The following SUPT3H variants were observed in gnomAD, a reference collection of about 807,000 sequenced individuals.
SUPT3H encodes transcription initiation protein SPT3 homolog.
Under a neutral mutation model 44.3 loss-of-function variants are expected in SUPT3H, and 44 were observed. The observed-to-expected ratio is 0.99, with a 90% CI of 0.78 to 1.28. The LOEUF (loss-of-function observed/expected upper bound fraction) is 1.28. SUPT3H is among the 50% of genes most tolerant of loss of function. The pLI, the probability that SUPT3H is intolerant of heterozygous loss-of-function variation, is 0.00. For synonymous variants in SUPT3H, 124 were observed against 125.6 expected (o/e 0.99, Z 0.09); for missense variants, 380 against 387.1 (o/e 0.98, Z 0.15).
intron 5 of SUPT3H, among the ~76,000 whole-genome samples, chr6:45,010,670 C>G (rs955460198): frequency 2.0e-5 from 3 of 152,116 alleles, no homozygotes; most frequent in Non-Finnish European, 4.4e-5. Context: ...ATATGGTGGA[C>G]AGCAGAAACA....
intron 3 of SUPT3H, among the ~76,000 whole-genome samples, chr6:45,065,730 A>G (rs1258966168): frequency 5.3e-5 from 8 of 151,460 alleles, no homozygotes; most frequent in Admixed American, 1.3e-4. Flanking sequence ...TAAATTCCTC[A>G]ACACATACAC....
intron 2 of SUPT3H, among the ~76,000 whole-genome samples, chr6:45,207,201 G>T (rs1763340334): frequency 6.6e-6 from 1 of 152,168 alleles, no homozygotes; most frequent in Admixed American, 6.5e-5. Flanking sequence ...GAAGACTGAG[G>T]TGTTCTGGAA....
chr6:45,239,869 GA>G (rs1769958947), intron 2 of SUPT3H, among the ~76,000 whole-genome samples: 1 of 152,138 alleles, frequency 6.6e-6, no homozygotes, highest in Non-Finnish European at 1.5e-5. Flanking sequence ...CACAAAGGGG[GA>G]AACAGGGACT....
At chr6:45,006,703 C>T (rs1466118210) in intron 5 of SUPT3H, among the ~76,000 whole-genome samples, 1 of 152,060 alleles carries the variant, frequency 6.6e-6, no homozygotes, top group African/African-American at 2.4e-5. Context: ...TCTCAGCTTC[C>T]TATCAATAGA....
Position 44,829,098 on chromosome 6 carries a change from A to G in SUPT3H, c.*718T>C, listed in dbSNP as rs1332964402. On this transcript the variant is annotated 3_prime_UTR_variant, in exon 11 of 11. Transcript: ENST00000371459. ...CTGAATACTTGGCTTCTAAATGTGT[A>G]TGGCATGTGCAGGAGTGGTGGATCT... 6.6e-6 allele frequency: 1 copy of G among 152,468 alleles called. No individual in the cohort carries two copies. The highest frequency in any genetic ancestry group is 6.6e-5 in the Admixed American group (1 of 15,254). 9.4% of individuals were successfully genotyped at this position (152,468 alleles called of 1,614,324 possible). A position where few individuals can be genotyped will look rare whatever the true frequency, so the allele number is the denominator to read the frequency against.
rs578123513 is a variant in SUPT3H, at chr6:44,941,649, G to A, written c.802-8886C>T. ...TTATCTCTGGATGGGACATAAGAAT[G>A]GTCTATTCTAAATGTTTCCAACTCC... On this transcript the variant is annotated intron_variant, in intron 9 of 10. Coordinates refer to ENST00000371459, the MANE Select transcript of SUPT3H (RefSeq NM_003599.4). Among the ~76,000 whole-genome samples, 274 of 152,186 alleles carry A rather than the reference G, an allele frequency of 1.8e-3. 1 individual carries two copies. The highest frequency in any genetic ancestry group is 6.1e-3 in the African/African-American group (254 of 41,544).
At chr6:44,859,380 T>C (rs1774246081) in intron 10 of SUPT3H, among the ~76,000 whole-genome samples, 1 of 152,250 alleles carries the variant, frequency 6.6e-6, no homozygotes. Context: ...CTTCAGCCTC[T>C]GTAAACTTTC....
intron 3 of SUPT3H, among the ~76,000 whole-genome samples, chr6:45,090,363 T>A (rs1165915050): frequency 6.6e-6 from 1 of 152,096 alleles, no homozygotes; most frequent in Admixed American, 6.6e-5. Context: ...AATAACTTCA[T>A]TCTTGTCTTA....
At chr6:45,102,344 C>CA (rs1478348036) in intron 3 of SUPT3H, among the ~76,000 whole-genome samples, 4 of 151,750 alleles carry the variant, frequency 2.6e-5, no homozygotes, top group South Asian at 4.2e-4. Context: ...GGGGAAAAGC[C>CA]AAAAAACAGC....
intron 2 of SUPT3H, among the ~76,000 whole-genome samples, chr6:45,329,989 T>C (rs1787126459): frequency 6.6e-6 from 1 of 151,916 alleles, no homozygotes; most frequent in East Asian, 1.9e-4. Flanking sequence ...TTACTCCTCC[T>C]ACTTCACACA....
At chr6:45,147,244 T>TA (rs1212439889) in intron 2 of SUPT3H, among the ~76,000 whole-genome samples, 11 of 152,130 alleles carry the variant, frequency 7.2e-5, no homozygotes, top group Non-Finnish European at 1.3e-4. Context: ...TCGAGATATT[T>TA]AAAATACGTT....
intron 2 of SUPT3H, among the ~76,000 whole-genome samples, chr6:45,112,066 TCA>T (rs1800151113): frequency 1.3e-5 from 2 of 152,216 alleles, no homozygotes; most frequent in Non-Finnish European, 2.9e-5. Flanking sequence ...TCCTGGCACC[TCA>T]GTTTCTCAGC....
intron 2 of SUPT3H, among the ~76,000 whole-genome samples, chr6:45,223,174 C>G (rs1766351626): frequency 6.6e-6 from 1 of 151,922 alleles, no homozygotes; most frequent in African/African-American, 2.4e-5. Context: ...AAAAAAAGAA[C>G]TAAACACTAA....
intron 10 of SUPT3H, among the ~76,000 whole-genome samples, chr6:44,844,776 T>C (rs1456226889): frequency 6.6e-6 from 1 of 152,212 alleles, no homozygotes; most frequent in Non-Finnish European, 1.5e-5. Flanking sequence ...TGTCAGGACA[T>C]CTTTTTTGCA....
intron 3 of SUPT3H, 40 bp from the exon 4 acceptor site, chr6:45,020,672 C>CA: frequency 7.0e-7 from 1 of 1,438,298 alleles, no homozygotes; most frequent in Non-Finnish European, 9.8e-7. Flanking sequence ...CTCAGTAACA[C>CA]AAATTATATA....
intron 6 of SUPT3H, among the ~76,000 whole-genome samples, chr6:44,990,306 A>T (rs1780438443): frequency 6.6e-6 from 1 of 151,674 alleles, no homozygotes; most frequent in Non-Finnish European, 1.5e-5. Context: ...GTGTAGGTTT[A>T]TTTCTGGGCT....
chr6:45,039,817 C>CA (rs1047076350), intron 3 of SUPT3H, among the ~76,000 whole-genome samples: 21 of 139,574 alleles, frequency 1.5e-4, no homozygotes, highest in Non-Finnish European at 2.6e-4. Flanking sequence ...AAAAAACAAA[C>CA]AAAAAAAACC....
intron 2 of SUPT3H, among the ~76,000 whole-genome samples, chr6:45,257,467 C>A (rs2153655857): frequency 6.6e-6 from 1 of 152,242 alleles, no homozygotes; most frequent in South Asian, 2.1e-4. Flanking sequence ...GCCATTCAAA[C>A]TTTTTAAATG....
At chr6:44,849,031 C>A (rs1319716449) in intron 10 of SUPT3H, among the ~76,000 whole-genome samples, 1 of 152,110 alleles carries the variant, frequency 6.6e-6, no homozygotes, top group Admixed American at 6.5e-5. Context: ...ACATTATAGG[C>A]TAAGTCATAG....
Sources: gnomAD v4.1 joint callset for allele counts (sites outside exome capture counted in the v4.1 genomes callset) on GRCh38, gnomAD v4.1.1 for gene constraint, MANE v1.5 for transcripts, NCBI Gene and HGNC (gene_info 2026-07-23, HGNC 2026-07-21) for gene names.